ACVR1C: variants seen among roughly 807,000 people sequenced by gnomAD.
ACVR1C encodes activin A receptor type 1C.
In ACVR1C, 23 loss-of-function variants were observed where a neutral mutation model predicts 57.9. That is an observed-to-expected ratio of 0.40 (90% CI 0.29 to 0.56). The LOEUF is 0.56. Ranked by LOEUF, ACVR1C falls within the 20% of genes least tolerant of loss-of-function variation. The pLI is 0.50. For synonymous variants in ACVR1C, 214 were observed against 215.3 expected (o/e 0.99, Z 0.05); for missense variants, 480 against 607.9 (o/e 0.79, Z 2.21).
At position 157,615,317 on chromosome 2, in the gene ACVR1C, AC is replaced by A. The variant is rs1211221360; in HGVS notation, c.73+13254del. 1.9e-4 allele frequency among the ~76,000 whole-genome samples: 26 copies of A among 136,172 alleles called. No homozygotes were observed. The East Asian group carries it at 2.0e-3, about 10-fold the overall frequency. The allele number at this position is 136,172 out of a possible 152,430, so 89.3% of individuals were successfully genotyped here. On this transcript the variant is annotated intron_variant, in intron 1 of 8. Transcript: ENST00000243349. ...CCCTGTCTCTACAAGTAACAATAATACAAAAAAAAAAAAAAACACAAAAAGT... is the reference window on the plus strand; with the variant it reads ...CCCTGTCTCTACAAGTAACAATAATAAAAAAAAAAAAAAAACACAAAAAGT...
chr2:157,628,813 C>G lies in ACVR1C; in HGVS notation c.-169G>C. 1 of 433,390 alleles carries G rather than the reference C, an allele frequency of 2.3e-6. No individual in the cohort carries two copies. The highest frequency in any genetic ancestry group is 6.7e-5 in the South Asian group (1 of 14,830). The allele number at this position is 433,390 out of a possible 1,614,324, so 26.8% of individuals were successfully genotyped here. ...CAGTGTGGGCGCCCCCCTCCCCGGCCGCCCCCATCCCACGCCCCCTGCGGC... is the reference window on the plus strand; with the variant it reads ...CAGTGTGGGCGCCCCCCTCCCCGGCGGCCCCCATCCCACGCCCCCTGCGGC... On this transcript the variant is annotated 5_prime_UTR_variant, in exon 1 of 9. Coordinates refer to ENST00000243349, the MANE Select transcript of ACVR1C (RefSeq NM_145259.3).
At chr2:157,628,479 G>A in intron 1 of ACVR1C, 93 bp downstream of exon 1, 3 of 1,414,402 alleles carry the variant, frequency 2.1e-6, no homozygotes, top group Non-Finnish European at 2.0e-6. Context: ...CAGTTTGCTC[G>A]GAGCACCCCC....
At chr2:157,588,834 A>C (rs1398806752) in intron 1 of ACVR1C, among the ~76,000 whole-genome samples, 1 of 124,892 alleles carries the variant, frequency 8.0e-6, no homozygotes, top group Non-Finnish European at 1.8e-5. Context: ...ACACAAATAC[A>C]TACACAAACA....
chr2:157,536,199 A>G (rs1687483400), intron 8 of ACVR1C, among the ~76,000 whole-genome samples: 1 of 152,210 alleles, frequency 6.6e-6, no homozygotes, highest in Non-Finnish European at 1.5e-5. Context: ...CATGCATCTA[A>G]TGAGTTCTCC....
At chr2:157,609,310 A>T (rs1682478006) in intron 1 of ACVR1C, among the ~76,000 whole-genome samples, 2 of 151,608 alleles carry the variant, frequency 1.3e-5, no homozygotes. Context: ...TTCTAGTTTT[A>T]TTCTATTGTG....
intron 4 of ACVR1C, among the ~76,000 whole-genome samples, chr2:157,546,356 AG>A (rs1448702651): frequency 1.3e-5 from 2 of 152,246 alleles, no homozygotes; most frequent in African/African-American, 4.8e-5. Flanking sequence ...ATTTCTGCTT[AG>A]CAAATCAGAA....
intron 2 of ACVR1C, among the ~76,000 whole-genome samples, chr2:157,576,565 G>T (rs1300522011): frequency 4.9e-4 from 75 of 152,086 alleles, no homozygotes; most frequent in Non-Finnish European, 1.0e-4. Context: ...TCATTTTCTT[G>T]TCAACTTGGG....
chr2:157,553,517 G>T (rs1229443254), intron 3 of ACVR1C, among the ~76,000 whole-genome samples: 3 of 151,842 alleles, frequency 2.0e-5, no homozygotes, highest in Non-Finnish European at 2.9e-5. Flanking sequence ...ATTAATTTTT[G>T]ATTTCTGCCC....
chr2:157,584,566 C>A (rs1688871211), intron 2 of ACVR1C, among the ~76,000 whole-genome samples: 1 of 152,076 alleles, frequency 6.6e-6, no homozygotes, highest in South Asian at 2.1e-4. Context: ...ACTTGAATGA[C>A]TAAAATTAAA....
intron 2 of ACVR1C, among the ~76,000 whole-genome samples, chr2:157,573,274 A>G (rs1688567231): frequency 6.6e-6 from 1 of 152,218 alleles, no homozygotes; most frequent in Admixed American, 6.5e-5. Flanking sequence ...TGATTAAATT[A>G]TCAATTTTCC....
intron 5 of ACVR1C, among the ~76,000 whole-genome samples, chr2:157,544,000 C>T (rs1424857621): frequency 6.7e-6 from 1 of 148,668 alleles, no homozygotes; most frequent in African/African-American, 2.5e-5. Flanking sequence ...ATGACAATAC[C>T]TTTAGCTTTA....
At chr2:157,601,163 C>A (rs1320902990) in intron 1 of ACVR1C, among the ~76,000 whole-genome samples, 3 of 151,592 alleles carry the variant, frequency 2.0e-5, no homozygotes, top group Non-Finnish European at 2.9e-5. Context: ...ACTAAAAATA[C>A]AAAATTAGCC....
intron 1 of ACVR1C, among the ~76,000 whole-genome samples, chr2:157,602,025 T>C (rs1682292493): frequency 6.6e-6 from 1 of 152,218 alleles, no homozygotes; most frequent in East Asian, 1.9e-4. Flanking sequence ...TTTCAGTGTT[T>C]CTCACAACTT....
Position 157,628,860 on chromosome 2 carries a change from C to A in ACVR1C, c.-216G>T. The A allele has an allele frequency of 3.1e-6, 1 of 325,204 alleles. No homozygotes were observed. The highest frequency in any genetic ancestry group is 5.5e-6 in the Non-Finnish European group (1 of 180,810). The allele number at this position is 325,204 out of a possible 1,614,324, so 20.1% of individuals were successfully genotyped here. On this transcript the variant is annotated 5_prime_UTR_variant, in exon 1 of 9. Transcript: ENST00000243349. The stretch of plus-strand genomic sequence containing the variant: ...CGGCTGGCGGTGCGCGGCGCTCCTG[C>A]CACTGGCCCCGCAGCCGGGCGGGGA...
chr2:157,554,213 A>AAGAAAGAAAGAAAGAAAGAG lies in ACVR1C; in HGVS notation c.544+1879_544+1880insCTCTTTCTTTCTTTCTTTCT, dbSNP rs1558974844. 1.4e-3 allele frequency among the ~76,000 whole-genome samples: 138 copies of AAGAAAGAAAGAAAGAAAGAG among 97,794 alleles called. 5 individuals are homozygous for AAGAAAGAAAGAAAGAAAGAG. The highest frequency in any genetic ancestry group is 6.8e-3 in the African/African-American group (133 of 19,472). The allele number at this position is 97,794 out of a possible 152,430, so 64.2% of individuals were successfully genotyped here. ...AAAATAAAGAAGAGAGAAAGAAAGA[A>AAGAAAGAAAGAAAGAAAGAG]AGAAAGAAAGAAAGAAAGAAAGAAA... On this transcript the variant is annotated intron_variant, in intron 3 of 8. Transcript: ENST00000243349.
chr2:157,579,446 T>C (rs1293238522), intron 2 of ACVR1C, among the ~76,000 whole-genome samples: 1 of 152,240 alleles, frequency 6.6e-6, no homozygotes, highest in East Asian at 1.9e-4. Context: ...TTAGTTACTG[T>C]ATTTTTAATT....
At chr2:157,585,028 T>C (rs1688882436) in intron 2 of ACVR1C, among the ~76,000 whole-genome samples, 1 of 152,148 alleles carries the variant, frequency 6.6e-6, no homozygotes, top group Non-Finnish European at 1.5e-5. Context: ...TGGGAAACTC[T>C]AGGAAAAATA....
Position 157,544,426 on chromosome 2 carries a change from AT to A in ACVR1C, c.943+18del, listed in dbSNP as rs1445997061. 1 of 1,586,556 alleles carries A rather than the reference AT, an allele frequency of 6.3e-7. No homozygotes were observed. Among genetic ancestry groups the A allele is most frequent in the African/African-American group, 1.4e-5 (1 of 73,420 alleles). ...TCCTCATATTCAAAGTGGAAAAAAA[AT>A]GAAAAGGAAATACATACCTTGTGTA... On this transcript the variant is annotated intron_variant, in intron 5 of 8. Transcript: ENST00000243349.
Position 157,544,458 on chromosome 2 carries a change from A to C in ACVR1C, c.930T>G (p.Ile310Met), listed in dbSNP as rs748195537. ...ASGLAHLHME[I>M]VGTQGKPAIA... ...GGAAATACATACCTTGTGTACCAAC[A>C]ATCTCCATATGAAGGTGTGCCAGAC... The change falls in exon 5 of 9, where the codon ATT (isoleucine) becomes ATG (methionine). Residue 310 changes from isoleucine to methionine, a missense_variant. Ile to Met is a conservative substitution (Grantham distance 10, BLOSUM62 1). Coordinates refer to ENST00000243349, the MANE Select transcript of ACVR1C (RefSeq NM_145259.3). 3 of 1,611,268 alleles carry C rather than the reference A, an allele frequency of 1.9e-6. No individual in the cohort carries two copies. In the Admixed American group the frequency reaches 5.0e-5, roughly 27 times the overall value.
Sources: allele counts gnomAD v4.1 joint callset (sites outside exome capture counted in the v4.1 genomes callset), GRCh38; gene constraint gnomAD v4.1.1; transcripts MANE v1.5; gene names NCBI Gene and HGNC (gene_info 2026-07-23, HGNC 2026-07-21).